RIMS4: variants seen among roughly 807,000 people sequenced by gnomAD.
RIMS4 encodes regulating synaptic membrane exocytosis 4, also known as regulating synaptic membrane exocytosis protein 4.
A neutral mutation model predicts 29.0 loss-of-function variants in RIMS4; 9 were observed. The ratio of observed to expected loss-of-function variants is 0.31; its 90% confidence interval spans 0.19 to 0.54. The LOEUF is 0.54. Ranked by LOEUF, RIMS4 falls within the 20% of genes least tolerant of loss-of-function variation. The pLI, the probability that RIMS4 is intolerant of heterozygous loss-of-function variation, is 0.94. For synonymous variants in RIMS4, 130 were observed against 152.9 expected, an observed-to-expected ratio of 0.85 and a Z score of 1.10; for missense variants, 193 against 365.7, an observed-to-expected ratio of 0.53 and a Z score of 3.85.
At chr20:44,769,394 G>C (rs1160148997) in intron 2 of RIMS4, among the ~76,000 whole-genome samples, 1 of 152,094 alleles carries the variant, frequency 6.6e-6, no homozygotes, top group Non-Finnish European at 1.5e-5. Flanking sequence ...AGACCTGCCC[G>C]TGAGGCTGAC....
rs1254926241 is a variant in RIMS4 at position 44,752,605 on chromosome 20, TC to T, written c.*3528del. ...GATGACGGCACAGGCCACCACCTAC[TC>T]CCCAGGGGCTCTTGTGAGGGCCGAA... On this transcript the variant is annotated 3_prime_UTR_variant, in exon 6 of 6. Coordinates refer to ENST00000372851, the MANE Select transcript of RIMS4 (RefSeq NM_182970.4). 2.0e-5 allele frequency: 3 copies of T among 152,200 alleles called. No individual in the cohort carries two copies. The highest frequency in any genetic ancestry group is 7.2e-5 in the African/African-American group (3 of 41,396). 9.4% of individuals were successfully genotyped at this position (152,200 alleles called of 1,614,324 possible). A position where few individuals can be genotyped will look rare whatever the true frequency, so the allele number is the denominator to read the frequency against.
intron 1 of RIMS4, among the ~76,000 whole-genome samples, chr20:44,773,589 G>A (rs1016874665): frequency 2.6e-5 from 4 of 152,136 alleles, no homozygotes; most frequent in East Asian, 1.9e-4. Flanking sequence ...TCTGCTGAGC[G>A]CTGTTCAGGT....
intron 1 of RIMS4, among the ~76,000 whole-genome samples, chr20:44,803,349 C>G (rs867810686): frequency 6.6e-6 from 1 of 152,184 alleles, no homozygotes; most frequent in Non-Finnish European, 1.5e-5. Flanking sequence ...GAGCCTGTTT[C>G]CCTACTTGCT....
intron 1 of RIMS4, among the ~76,000 whole-genome samples, chr20:44,782,658 T>A (rs4810441): frequency 6.6e-6 from 1 of 152,188 alleles, no homozygotes; most frequent in African/African-American, 2.4e-5. Flanking sequence ...GCAGGCCCTA[T>A]CTGGGACAAG....
Position 44,756,858 on chromosome 20 carries a change from C to T in RIMS4, c.591+40G>A, listed in dbSNP as rs561237243. The T allele has an allele frequency of 1.2e-5, 19 of 1,603,664 alleles. No homozygotes were observed. Among genetic ancestry groups the T allele is most frequent in the Middle Eastern group, 1.7e-4 (1 of 5,920 alleles). On this transcript the variant is annotated intron_variant, in intron 5 of 5. Coordinates refer to ENST00000372851, the MANE Select transcript of RIMS4 (RefSeq NM_182970.4). The surrounding 1 kb of genome is among the most constrained non-coding windows in gnomAD (Gnocchi z 5.9). ...CATTCTGGTACTGTGCATGTGTGCT[C>T]GTGCACACACACACACGTGAGCGCG... is the stretch of plus-strand genomic sequence containing the variant.
intron 1 of RIMS4, among the ~76,000 whole-genome samples, chr20:44,803,596 C>A (rs915041701): frequency 6.7e-6 from 1 of 150,062 alleles, no homozygotes; most frequent in African/African-American, 2.4e-5. Flanking sequence ...GTTACAATTA[C>A]GGGGGCTAAG....
intron 1 of RIMS4, among the ~76,000 whole-genome samples, chr20:44,804,443 T>C (rs2066289771): frequency 6.6e-6 from 1 of 152,086 alleles, no homozygotes; most frequent in Admixed American, 6.6e-5. Flanking sequence ...AGGTTTATAG[T>C]GGGGGAGATA....
chr20:44,805,741 GT>G (rs1192096636), intron 1 of RIMS4, among the ~76,000 whole-genome samples: 3 of 152,178 alleles, frequency 2.0e-5, no homozygotes, highest in Non-Finnish European at 4.4e-5. Flanking sequence ...TTAGCACTTG[GT>G]CTGGGAAAGA....
At chr20:44,791,936 C>T (rs2066234421) in intron 1 of RIMS4, among the ~76,000 whole-genome samples, 1 of 152,140 alleles carries the variant, frequency 6.6e-6, no homozygotes, top group African/African-American at 2.4e-5. Context: ...CTGCTTTGCC[C>T]CACTGAGACG....
intron 1 of RIMS4, among the ~76,000 whole-genome samples, chr20:44,795,236 C>T (rs566799014): frequency 2.0e-5 from 3 of 152,354 alleles, no homozygotes; most frequent in South Asian, 4.1e-4. Context: ...AGCCAAGTGG[C>T]GAAGCTCCAG....
At chr20:44,774,494 T>C (rs1031439498) in intron 1 of RIMS4, among the ~76,000 whole-genome samples, 1 of 152,092 alleles carries the variant, frequency 6.6e-6, no homozygotes, top group Non-Finnish European at 1.5e-5. Flanking sequence ...CCAGCGTGCA[T>C]CTTCCTCCCA....
chr20:44,781,960 C>T (rs1032642950), intron 1 of RIMS4, among the ~76,000 whole-genome samples: 9 of 152,178 alleles, frequency 5.9e-5, no homozygotes, highest in South Asian at 4.1e-4. Flanking sequence ...TCTATCCACA[C>T]GGAATTACTC....
rs1243290694 is a variant in RIMS4, at chr20:44,756,124, C to T, written c.*10G>A. 6.3e-7 allele frequency: 1 copy of T among 1,581,916 alleles called. No homozygotes were observed. The highest frequency in any genetic ancestry group is 1.7e-5 in the Admixed American group (1 of 58,728). Reference sequence around the variant, plus strand: ...CAGGCCATCTTGGGGAGCCCCTCCCCATTCCAGCACTAAGATCGTTCTCCG... The same window carrying T: ...CAGGCCATCTTGGGGAGCCCCTCCCTATTCCAGCACTAAGATCGTTCTCCG... On this transcript the variant is annotated 3_prime_UTR_variant, in exon 6 of 6. Transcript: ENST00000372851. The surrounding 1 kb of genome is among the most constrained non-coding windows in gnomAD (Gnocchi z 5.9).
rs1194569557 is a variant in RIMS4, at chr20:44,757,574, T to G, written c.451+96A>C. 7 of 982,976 alleles carry G rather than the reference T, an allele frequency of 7.1e-6. No individual in the cohort carries two copies. In the African/African-American group the frequency reaches 9.6e-5, roughly 13 times the overall value. The allele number at this position is 982,976 out of a possible 1,614,324, so 60.9% of individuals were successfully genotyped here. ...GAGTTGGGACAGGGGGTCCCCACAG[T>G]TGGGCCCAATTTTCTCTCTTCAAGG... On this transcript the variant is annotated intron_variant, in intron 4 of 5. Coordinates refer to ENST00000372851, the MANE Select transcript of RIMS4 (RefSeq NM_182970.4).
At chr20:44,764,684 T>C (rs950616039) in intron 2 of RIMS4, among the ~76,000 whole-genome samples, 4 of 152,302 alleles carry the variant, frequency 2.6e-5, no homozygotes, top group African/African-American at 9.6e-5. Flanking sequence ...GTTTTGTGTA[T>C]TCTTATGTGG....
At chr20:44,795,426 G>A (rs967145170) in intron 1 of RIMS4, among the ~76,000 whole-genome samples, 1 of 152,150 alleles carries the variant, frequency 6.6e-6, no homozygotes, top group Non-Finnish European at 1.5e-5. Flanking sequence ...ATGAAGTCAG[G>A]AGATCGAGAC....
intron 2 of RIMS4, among the ~76,000 whole-genome samples, chr20:44,764,603 T>C (rs1428286978): frequency 2.0e-5 from 3 of 152,210 alleles, no homozygotes; most frequent in Non-Finnish European, 4.4e-5. Context: ...TGGAAAGTTG[T>C]ACCACCAGGT....
intron 2 of RIMS4, among the ~76,000 whole-genome samples, chr20:44,763,994 TCATC>T (rs2066097320): frequency 1.6e-5 from 2 of 127,282 alleles, no homozygotes; most frequent in South Asian, 2.8e-4. Flanking sequence ...ACCTATCACT[TCATC>T]CATCCATCCA....
At chr20:44,789,927 C>G (rs2066225713) in intron 1 of RIMS4, among the ~76,000 whole-genome samples, 1 of 152,222 alleles carries the variant, frequency 6.6e-6, no homozygotes, top group African/African-American at 2.4e-5. Context: ...TGCCTGTCAA[C>G]AGAATGGGGA....
Sources: allele counts gnomAD v4.1 joint callset (sites outside exome capture counted in the v4.1 genomes callset), GRCh38; gene constraint gnomAD v4.1.1; non-coding constraint Gnocchi (gnomAD v3.1); transcripts MANE v1.5; gene names NCBI Gene and HGNC (gene_info 2026-07-23, HGNC 2026-07-21).